The following ANKRD30A variants were observed in gnomAD, a reference collection of about 807,000 sequenced individuals.
The protein encoded by ANKRD30A is ankyrin repeat domain 30A, also known as ankyrin repeat domain-containing protein 30A.
In ANKRD30A, 170 loss-of-function variants were observed where a neutral mutation model predicts 166.3. That is an observed-to-expected ratio of 1.02 (90% confidence interval 0.90 to 1.16). ANKRD30A has a LOEUF of 1.16. Ranked by LOEUF, ANKRD30A falls within the 50% of genes most tolerant of loss-of-function variation. The probability of loss-of-function intolerance (pLI) is 0.00; values close to 1 mark genes in which losing one functional copy is unlikely to be tolerated. For missense variants in ANKRD30A, 1,630 were observed against 1,518.0 expected (o/e 1.07, Z -1.23); for synonymous variants, 564 against 508.9 (o/e 1.11, Z -1.46).
chr10:37,189,440 ATTAT>A (rs1345722181), intron 24 of ANKRD30A, 23 bp from the exon 25 acceptor site: 1 of 629,046 alleles, frequency 1.6e-6, no homozygotes, highest in African/African-American at 2.1e-5. Context: ...ATCCATTGAA[ATTAT>A]TTATTGCTAT....
At chr10:37,166,196 A>C (rs1403089315) in intron 18 of ANKRD30A, among the ~76,000 whole-genome samples, 3 of 152,124 alleles carry the variant, frequency 2.0e-5, no homozygotes, top group Non-Finnish European at 4.4e-5. Flanking sequence ...GATCGTGAAT[A>C]TTTTAAATGT....
chr10:37,224,950 ATGTAT>A (rs1311519402), intron 34 of ANKRD30A, among the ~76,000 whole-genome samples: 1 of 151,672 alleles, frequency 6.6e-6, no homozygotes, highest in African/African-American at 2.4e-5. Context: ...GGTATAAAAA[ATGTAT>A]TGTGTCTTTT....
At chr10:37,194,810 C>A (rs545950408) in intron 27 of ANKRD30A, among the ~76,000 whole-genome samples, 1 of 152,206 alleles carries the variant, frequency 6.6e-6, no homozygotes, top group Non-Finnish European at 1.5e-5. Flanking sequence ...ATTAGACCGT[C>A]TTTTCTAGCC....
chr10:37,195,067 A>G (rs1840966875), intron 27 of ANKRD30A, among the ~76,000 whole-genome samples: 1 of 152,162 alleles, frequency 6.6e-6, no homozygotes, highest in African/African-American at 2.4e-5. Flanking sequence ...AAATAGAAGA[A>G]ATAGGAAAAA....
chr10:37,247,686 G>A, the ANKRD30A span, among the ~76,000 whole-genome samples: 3 of 148,782 alleles, frequency 2.0e-5, no homozygotes, highest in Non-Finnish European at 3.0e-5. Context: ...CCTGGCTAAC[G>A]TGGTGAAACG....
At chr10:37,261,461 T>C in the ANKRD30A span, among the ~76,000 whole-genome samples, 1 of 152,132 alleles carries the variant, frequency 6.6e-6, no homozygotes, top group Non-Finnish European at 1.5e-5. Flanking sequence ...TGATCTGTAA[T>C]CCAAATTTAG....
chr10:37,205,654 G>T (rs1841945175), intron 31 of ANKRD30A, among the ~76,000 whole-genome samples: 1 of 152,148 alleles, frequency 6.6e-6, no homozygotes, highest in East Asian at 1.9e-4. Flanking sequence ...CATTGGAGAT[G>T]GAATTACCTG....
intron 7 of ANKRD30A, among the ~76,000 whole-genome samples, chr10:37,142,648 G>A (rs532241872): frequency 1.5e-5 from 2 of 137,452 alleles, no homozygotes; most frequent in Non-Finnish European, 3.0e-5. Context: ...GCAATGGCAC[G>A]AGTGATCTCG....
intron 34 of ANKRD30A, among the ~76,000 whole-genome samples, chr10:37,226,730 C>T (rs1361044927): frequency 1.3e-5 from 2 of 151,780 alleles, no homozygotes; most frequent in East Asian, 3.9e-4. Context: ...ATTGCTGAGT[C>T]ATATGGTAGT....
intron 6 of ANKRD30A, among the ~76,000 whole-genome samples, chr10:37,139,039 G>A (rs551589791): frequency 2.0e-5 from 3 of 152,146 alleles, no homozygotes; most frequent in African/African-American, 7.2e-5. Context: ...CGGCAGAAAC[G>A]CTACAAGCCA....
In ANKRD30A at chr10:37,132,350, T is replaced by C. The variant is rs762121242; in HGVS notation, c.617+4T>C. Reference sequence around the variant, plus strand: ...ATGCAGTTAATAAGTATAAATGGTATAGTAGTTCTTTTTTTATTAAAAAAC... The same window carrying C: ...ATGCAGTTAATAAGTATAAATGGTACAGTAGTTCTTTTTTTATTAAAAAAC... On this transcript the variant is annotated splice_donor_region_variant and intron_variant, in intron 4 of 35. Coordinates refer to ENST00000361713, the MANE Select transcript of ANKRD30A (RefSeq NM_052997.3). The C allele has an allele frequency of 2.0e-6, 3 of 1,509,554 alleles. No homozygotes were observed. The highest frequency in any genetic ancestry group is 1.8e-6 in the Non-Finnish European group (2 of 1,118,320). The allele number at this position is 1,509,554 out of a possible 1,614,324, so 93.5% of individuals were successfully genotyped here.
chr10:37,250,811 G>A, the ANKRD30A span, among the ~76,000 whole-genome samples: 57 of 151,038 alleles, frequency 3.8e-4, no homozygotes, highest in South Asian at 2.1e-4. Context: ...AGATCTTTAA[G>A]AAATTAATTC....
intron 17 of ANKRD30A, 145 bp from the exon 18 acceptor site, chr10:37,164,949 A>G (rs1839193258): frequency 1.3e-6 from 1 of 773,206 alleles, no homozygotes; most frequent in South Asian, 1.6e-5. Context: ...TGACTATAGA[A>G]GTAGTCATTG....
At chr10:37,139,271 A>C (rs1008980345) in intron 6 of ANKRD30A, among the ~76,000 whole-genome samples, 6 of 152,212 alleles carry the variant, frequency 3.9e-5, no homozygotes, top group African/African-American at 1.4e-4. Context: ...TATTCAGTGA[A>C]AGAGCAGCAA....
chr10:37,208,116 T>G (rs990840519), intron 31 of ANKRD30A, among the ~76,000 whole-genome samples: 1 of 152,092 alleles, frequency 6.6e-6, no homozygotes, highest in Non-Finnish European at 1.5e-5. Flanking sequence ...GTCAGGGTTT[T>G]GATAAGGAAG....
intron 30 of ANKRD30A, among the ~76,000 whole-genome samples, chr10:37,200,912 T>C (rs542795740): frequency 3.9e-5 from 6 of 152,082 alleles, no homozygotes; most frequent in Admixed American, 6.6e-5. Context: ...TATTTATTGT[T>C]GTTGAGGACG....
intron 15 of ANKRD30A, among the ~76,000 whole-genome samples, chr10:37,160,511 C>CA (rs1281574261): frequency 1.3e-5 from 2 of 152,072 alleles, no homozygotes; most frequent in Non-Finnish European, 2.9e-5. Flanking sequence ...CAAAAATTTT[C>CA]AAAAATGCAT....
intron 15 of ANKRD30A, among the ~76,000 whole-genome samples, chr10:37,162,018 CTTATTATAGA>C (rs1838932093): frequency 6.6e-6 from 1 of 151,930 alleles, no homozygotes; most frequent in Non-Finnish European, 1.5e-5. Context: ...ATATTGAAAG[CTTATTATAGA>C]TTATTTCCAT....
chr10:37,172,348 G>T (rs1419194572), intron 21 of ANKRD30A, among the ~76,000 whole-genome samples: 1 of 123,792 alleles, frequency 8.1e-6, no homozygotes, highest in African/African-American at 3.2e-5. Context: ...AGACATAACA[G>T]GGTCAAGAGA....
Sources: gnomAD v4.1 joint callset for allele counts (sites outside exome capture counted in the v4.1 genomes callset) on GRCh38, gnomAD v4.1.1 for gene constraint, MANE v1.5 for transcripts, NCBI Gene and HGNC (gene_info 2026-07-23, HGNC 2026-07-21) for gene names.